LRRTM4: variants seen among roughly 807,000 people sequenced by gnomAD.
LRRTM4 encodes the protein leucine-rich repeat transmembrane neuronal protein 4.
In LRRTM4, 25 loss-of-function variants were observed where a neutral mutation model predicts 47.6. That is an observed-to-expected ratio of 0.53 (90% CI 0.38 to 0.73). The LOEUF is 0.73. Among genes scored for constraint, LRRTM4 ranks in the 30% least tolerant of loss-of-function variants. The pLI, the probability that LRRTM4 is intolerant of heterozygous loss-of-function variation, is 0.00. For synonymous variants in LRRTM4, 311 were observed against 269.5 expected, an observed-to-expected ratio of 1.15 and a Z score of -1.51; for missense variants, 638 against 713.4, an observed-to-expected ratio of 0.89 and a Z score of 1.20.
chr2:77,085,232 T>G (rs1680670732), intron 3 of LRRTM4, among the ~76,000 whole-genome samples: 1 of 152,022 alleles, frequency 6.6e-6, no homozygotes, highest in African/African-American at 2.4e-5. Flanking sequence ...TGGTAAATCA[T>G]ATAAACTTTT....
At chr2:77,117,573 T>G (rs572678077) in intron 3 of LRRTM4, among the ~76,000 whole-genome samples, 2 of 152,058 alleles carry the variant, frequency 1.3e-5, no homozygotes, top group South Asian at 2.1e-4. Flanking sequence ...ATCTAAAAAC[T>G]TTTTGTTCCT....
At chr2:76,886,283 A>G (rs1230653001) in intron 3 of LRRTM4, among the ~76,000 whole-genome samples, 1 of 152,184 alleles carries the variant, frequency 6.6e-6, no homozygotes, top group Non-Finnish European at 1.5e-5. Context: ...GGTCCAATAC[A>G]TTTTTGAGAA....
At chr2:77,101,334 T>C (rs1670947748) in intron 3 of LRRTM4, among the ~76,000 whole-genome samples, 1 of 152,194 alleles carries the variant, frequency 6.6e-6, no homozygotes, top group African/African-American at 2.4e-5. Context: ...ATATTCTCTA[T>C]ACCAGAAGTC....
At chr2:77,252,838 A>C (rs1409150892) in intron 3 of LRRTM4, among the ~76,000 whole-genome samples, 2 of 152,078 alleles carry the variant, frequency 1.3e-5, no homozygotes, top group African/African-American at 2.4e-5. Context: ...AAAGTTCTGG[A>C]TGTTAGAAGT....
At chr2:76,974,923 C>A (rs573661729) in intron 3 of LRRTM4, among the ~76,000 whole-genome samples, 1 of 151,318 alleles carries the variant, frequency 6.6e-6, no homozygotes, top group Non-Finnish European at 1.5e-5. Context: ...ATAATAATAT[C>A]TTTTTTCTCT....
At chr2:76,873,498 A>ATG (rs1480579004) in intron 3 of LRRTM4, among the ~76,000 whole-genome samples, 7 of 100,232 alleles carry the variant, frequency 7.0e-5, no homozygotes, top group African/African-American at 2.6e-4. Context: ...GTGTGTATAT[A>ATG]TATGTGTGTA....
intron 3 of LRRTM4, among the ~76,000 whole-genome samples, chr2:77,049,017 T>C (rs1454278498): frequency 6.6e-6 from 1 of 150,802 alleles, no homozygotes; most frequent in Non-Finnish European, 1.5e-5. Flanking sequence ...GAAAATACAA[T>C]ATTCATCTTT....
intron 3 of LRRTM4, among the ~76,000 whole-genome samples, chr2:77,095,736 C>T (rs1304750608): frequency 6.6e-6 from 1 of 152,070 alleles, no homozygotes; most frequent in Non-Finnish European, 1.5e-5. Context: ...TCTCCGACTC[C>T]TGACCTTCAG....
chr2:77,096,314 T>C (rs1670810968), intron 3 of LRRTM4, among the ~76,000 whole-genome samples: 3 of 151,834 alleles, frequency 2.0e-5, no homozygotes. Context: ...TATGTTCATG[T>C]ATCATTCAGT....
At chr2:77,067,332 CCTCA>C (rs1217847163) in intron 3 of LRRTM4, among the ~76,000 whole-genome samples, 1 of 151,902 alleles carries the variant, frequency 6.6e-6, no homozygotes, top group African/African-American at 2.4e-5. Flanking sequence ...TGGTGGATGG[CCTCA>C]CTGTGTATTG....
At chr2:77,505,477 G>A (rs1041221241) in intron 3 of LRRTM4, among the ~76,000 whole-genome samples, 8 of 151,314 alleles carry the variant, frequency 5.3e-5, no homozygotes, top group Admixed American at 2.0e-4. Context: ...ATAAATCAAC[G>A]AAGTGGACCA....
intron 3 of LRRTM4, among the ~76,000 whole-genome samples, chr2:77,481,958 C>T (rs1342555249): frequency 1.3e-5 from 2 of 151,220 alleles, no homozygotes; most frequent in African/African-American, 4.9e-5. Context: ...TCAGCAGGCA[C>T]GGATTGCTTT....
At chr2:77,190,851 T>C (rs1673650447) in intron 3 of LRRTM4, among the ~76,000 whole-genome samples, 1 of 152,062 alleles carries the variant, frequency 6.6e-6, no homozygotes, top group African/African-American at 2.4e-5. Context: ...CTAATAAGTG[T>C]TATGTGGAGG....
chr2:76,903,768 G>A (rs1313070790), intron 3 of LRRTM4, among the ~76,000 whole-genome samples: 1 of 152,002 alleles, frequency 6.6e-6, no homozygotes, highest in Non-Finnish European at 1.5e-5. Context: ...CTTTTACTGG[G>A]TTACAAATAA....
chr2:76,804,437 A>T (rs1002535276), intron 3 of LRRTM4, among the ~76,000 whole-genome samples: 3 of 152,040 alleles, frequency 2.0e-5, no homozygotes, highest in Admixed American at 2.0e-4. Flanking sequence ...AACACTGGAG[A>T]TTATTCACCA....
chr2:76,830,399 G>A lies in LRRTM4; in HGVS notation c.1552-81483C>T, dbSNP rs574191514. On this transcript the variant is annotated intron_variant, in intron 3 of 3. Transcript: ENST00000409884. ...CACTTTTAAACCTTTTTCACCTTCT[G>A]ATATTTTATTTTTTTAATCCCTGTG... Among the ~76,000 whole-genome samples the A allele has an allele frequency of 2.0e-5, 3 of 151,678 alleles. No individual in the cohort carries two copies. In the East Asian group the frequency reaches 5.8e-4, roughly 30 times the overall value.
intron 3 of LRRTM4, among the ~76,000 whole-genome samples, chr2:76,766,875 A>G (rs1452066715): frequency 6.6e-6 from 1 of 152,184 alleles, no homozygotes; most frequent in African/African-American, 2.4e-5. Flanking sequence ...CCCCAAGGAA[A>G]AAAGAACTAT....
chr2:77,311,546 C>T (rs921012459), intron 3 of LRRTM4, among the ~76,000 whole-genome samples: 1 of 152,098 alleles, frequency 6.6e-6, no homozygotes, highest in Non-Finnish European at 1.5e-5. Context: ...TGCCTGTCTC[C>T]CTCATAAAGT....
At chr2:77,354,792 CT>C (rs1671910423) in intron 3 of LRRTM4, among the ~76,000 whole-genome samples, 1 of 152,154 alleles carries the variant, frequency 6.6e-6, no homozygotes, top group Non-Finnish European at 1.5e-5. Context: ...AATATGTATA[CT>C]CCCAGCTCTT....
Sources: gnomAD v4.1 joint callset for allele counts (sites outside exome capture counted in the v4.1 genomes callset) on GRCh38, gnomAD v4.1.1 for gene constraint, MANE v1.5 for transcripts, NCBI Gene and HGNC (gene_info 2026-07-23, HGNC 2026-07-21) for gene names.